Variants in PHACTR4 observed in about 807,000 individuals in gnomAD.
PHACTR4 encodes the protein phosphatase and actin regulator 4.
PHACTR4 carries 51 observed loss-of-function variants against 72.7 expected under a neutral mutation model. The ratio of observed to expected loss-of-function variants is 0.70; its 90% CI spans 0.56 to 0.89. The LOEUF is 0.89. Among genes scored for constraint, PHACTR4 ranks in the 40% least tolerant of loss-of-function variants. PHACTR4 has a pLI of 0.00. For synonymous variants in PHACTR4, 255 were observed against 302.5 expected (o/e 0.84, Z 1.63); for missense variants, 731 against 861.8 (o/e 0.85, Z 1.90).
Position 28,496,613 on chromosome 1 carries a change from T to C in PHACTR4, c.*64T>C. Reference sequence around the variant, plus strand: ...CTGCTTCCTTCTCCAAAGTGACATATGGAGGGAACTTTAGCACTTCCCAGC... The same window carrying C: ...CTGCTTCCTTCTCCAAAGTGACATACGGAGGGAACTTTAGCACTTCCCAGC... On this transcript the variant is annotated 3_prime_UTR_variant, in exon 14 of 14. Transcript: ENST00000373839. 1.3e-6 allele frequency: 2 copies of C among 1,585,352 alleles called. No homozygotes were observed. The highest frequency in any genetic ancestry group is 1.7e-6 in the Non-Finnish European group (2 of 1,156,098).
intron 2 of PHACTR4, among the ~76,000 whole-genome samples, chr1:28,436,068 T>C (rs1484950587): frequency 6.6e-6 from 1 of 152,242 alleles, no homozygotes; most frequent in Non-Finnish European, 1.5e-5. Context: ...CATTGAGGTT[T>C]TCTTATTTGT....
intron 7 of PHACTR4, among the ~76,000 whole-genome samples, chr1:28,474,645 C>A (rs982922905): frequency 6.6e-5 from 10 of 151,720 alleles, no homozygotes; most frequent in Non-Finnish European, 1.5e-4. Context: ...CAGGTTCAAG[C>A]GATTCTCCTG....
chr1:28,454,896 G>A (rs1363570557), intron 2 of PHACTR4, among the ~76,000 whole-genome samples: 1 of 152,004 alleles, frequency 6.6e-6, no homozygotes, highest in Non-Finnish European at 1.5e-5. Flanking sequence ...GAGGTGGAAG[G>A]ACCACTTGAA....
At chr1:28,427,936 A>G (rs1655979238) in intron 2 of PHACTR4, among the ~76,000 whole-genome samples, 1 of 152,246 alleles carries the variant, frequency 6.6e-6, no homozygotes, top group Non-Finnish European at 1.5e-5. Flanking sequence ...ATTGAGTTAG[A>G]TTAGTTATAT....
At chr1:28,406,541 C>T (rs1203971043) in intron 1 of PHACTR4, among the ~76,000 whole-genome samples, 2 of 152,106 alleles carry the variant, frequency 1.3e-5, no homozygotes, top group African/African-American at 4.8e-5. Flanking sequence ...TAATCTGAGC[C>T]AGATGATTGC....
rs1557839113 is a variant in PHACTR4 at position 28,473,815 on chromosome 1, C to T, written c.1085C>T (p.Pro362Leu). 1.2e-6 allele frequency: 2 copies of T among 1,614,124 alleles called. No homozygotes were observed. Among genetic ancestry groups the T allele is most frequent in the Non-Finnish European group, 8.5e-7 (1 of 1,180,036 alleles). Reference protein sequence around the residue: ...PPEPPRTPPFPAKTFQVVPEI... With the variant: ...PPEPPRTPPFLAKTFQVVPEI... ...GAGCCTCCACGCACCCCTCCATTCC[C>T]TGCTAAGACTTTTCAAGTTGTGCCA... Residue 362 changes from proline to leucine, a missense_variant, in exon 7 of 14, where the codon CCT (proline) becomes CTT (leucine). Transcript: ENST00000373839.
At chr1:28,467,677 G>C (rs572954911) in intron 6 of PHACTR4, among the ~76,000 whole-genome samples, 1 of 152,236 alleles carries the variant, frequency 6.6e-6, no homozygotes, top group East Asian at 1.9e-4. Context: ...GGGAACTGCA[G>C]AAGCTATTAC....
intron 1 of PHACTR4, among the ~76,000 whole-genome samples, chr1:28,374,439 A>G (rs962375164): frequency 6.6e-6 from 1 of 152,206 alleles, no homozygotes; most frequent in Non-Finnish European, 1.5e-5. Context: ...CATGCCATGA[A>G]TGTGACATCA....
At position 28,496,548 on chromosome 1, in the gene PHACTR4, G is replaced by C; in HGVS notation, c.2108G>C (p.Ter703SerextTer26). 1 of 1,613,918 alleles carries C rather than the reference G, an allele frequency of 6.2e-7. No homozygotes were observed. The highest frequency in any genetic ancestry group is 1.1e-5 in the South Asian group (1 of 91,088). ...SKHFTRYHRP* is the reference protein window; with the variant it reads ...SKHFTRYHRPS ...ATCTCTTTTAGCTACCATCGTCCATGATGCCAAAGGTTGAGAGAGGAATCA... is the reference window on the plus strand; with the variant it reads ...ATCTCTTTTAGCTACCATCGTCCATCATGCCAAAGGTTGAGAGAGGAATCA... Residue 703 changes from the stop codon to serine, a stop_lost, in exon 14 of 14, where the codon TGA (stop) becomes TCA (serine). Coordinates refer to ENST00000373839, the MANE Select transcript of PHACTR4 (RefSeq NM_001048183.3).
intron 2 of PHACTR4, among the ~76,000 whole-genome samples, chr1:28,420,087 C>T (rs1375145636): frequency 6.6e-6 from 1 of 152,040 alleles, no homozygotes; most frequent in African/African-American, 2.4e-5. Flanking sequence ...GACCCCATCT[C>T]TACAAAAAAT....
At chr1:28,438,261 G>A in intron 2 of PHACTR4, 1 of 1,452,420 alleles carries the variant, frequency 6.9e-7, no homozygotes. Flanking sequence ...GCCATTTCCT[G>A]ATGTTTGGCA....
intron 1 of PHACTR4, among the ~76,000 whole-genome samples, chr1:28,378,256 C>T (rs916759555): frequency 7.7e-5 from 11 of 143,626 alleles, no homozygotes; most frequent in Non-Finnish European, 6.0e-5. Flanking sequence ...ATTCCCAGCA[C>T]TTTGGGAGGC....
intron 10 of PHACTR4, among the ~76,000 whole-genome samples, chr1:28,490,258 T>A (rs1332943054): frequency 6.6e-6 from 1 of 152,200 alleles, no homozygotes; most frequent in African/African-American, 2.4e-5. Context: ...CCAAAGTTAG[T>A]ATTTTATTCT....
In PHACTR4 at chr1:28,418,342, G is replaced by A. The variant is rs149955543; in HGVS notation, c.16+10879G>A. 3.0e-3 allele frequency among the ~76,000 whole-genome samples: 448 copies of A among 151,702 alleles called. 2 individuals are homozygous for A. The highest frequency in any genetic ancestry group is 0.01 in the African/African-American group (433 of 41,392). The stretch of plus-strand genomic sequence containing the variant: ...AAAATAATAATAATAATAGCTGGGC[G>A]TGGTGGCAGGCAACTGTAACCCCAG... On this transcript the variant is annotated intron_variant, in intron 2 of 13. Coordinates refer to ENST00000373839, the MANE Select transcript of PHACTR4 (RefSeq NM_001048183.3).
At chr1:28,371,579 G>C (rs904023536) in intron 1 of PHACTR4, among the ~76,000 whole-genome samples, 3 of 151,940 alleles carry the variant, frequency 2.0e-5, no homozygotes, top group Non-Finnish European at 4.4e-5. Context: ...ACAAGCGTGA[G>C]CCACCGTGCC....
At chr1:28,407,313 A>G (rs544707662) in intron 1 of PHACTR4, 97 bp from the exon 2 acceptor site, 6 of 547,938 alleles carry the variant, frequency 1.1e-5, no homozygotes, top group South Asian at 7.4e-5. Context: ...CTTTTAAACT[A>G]TAGTCAATGT....
intron 1 of PHACTR4, among the ~76,000 whole-genome samples, chr1:28,401,286 T>C (rs1032394640): frequency 2.0e-5 from 3 of 151,370 alleles, no homozygotes; most frequent in Non-Finnish European, 4.4e-5. Context: ...AACAGGGATA[T>C]ATGACCTGCT....
chr1:28,390,258 C>T (rs373505635), intron 1 of PHACTR4, among the ~76,000 whole-genome samples: 2 of 152,210 alleles, frequency 1.3e-5, no homozygotes, highest in Middle Eastern at 3.4e-3. Context: ...TGGTATCAAG[C>T]GATCCTCCTG....
chr1:28,458,991 C>A, intron 2 of PHACTR4, 94 bp from the exon 3 acceptor site: 3 of 1,179,182 alleles, frequency 2.5e-6, no homozygotes, highest in South Asian at 1.8e-5. Flanking sequence ...CCGATCCTTT[C>A]CAACTACCAC....
Sources: gnomAD v4.1 joint callset for allele counts (sites outside exome capture counted in the v4.1 genomes callset) on GRCh38, gnomAD v4.1.1 for gene constraint, MANE v1.5 for transcripts, NCBI Gene and HGNC (gene_info 2026-07-23, HGNC 2026-07-21) for gene names.